Variants in NCAM1 observed in about 807,000 individuals in gnomAD.
The protein encoded by NCAM1 is neural cell adhesion molecule 1, also known as antigen recognized by monoclonal antibody 5.1H11.
NCAM1 carries 14 observed loss-of-function variants against 109.8 expected under a neutral mutation model. The ratio of observed to expected loss-of-function variants is 0.13; its 90% CI spans 0.08 to 0.20. The LOEUF (loss-of-function observed/expected upper bound fraction) is 0.20, where lower values mean the gene tolerates loss of function less well. Ranked by LOEUF, NCAM1 falls within the 10% of genes least tolerant of loss-of-function variation. The pLI is 1.00. For synonymous variants in NCAM1, 418 were observed against 442.9 expected (o/e 0.94, Z 0.70); for missense variants, 774 against 1,109.9 (o/e 0.70, Z 4.30).
chr11:113,203,985 A>G (rs911857997), intron 2 of NCAM1, among the ~76,000 whole-genome samples: 1 of 152,202 alleles, frequency 6.6e-6, no homozygotes, highest in Admixed American at 6.5e-5. Flanking sequence ...AGCACACAGT[A>G]TGTTCTCAAC....
chr11:113,131,730 G>A (rs1229776470), intron 1 of NCAM1, among the ~76,000 whole-genome samples: 1 of 152,156 alleles, frequency 6.6e-6, no homozygotes, highest in Non-Finnish European at 1.5e-5. Flanking sequence ...CCCCAGCCAG[G>A]CAGCTGATAG....
intron 1 of NCAM1, among the ~76,000 whole-genome samples, chr11:113,158,763 T>C (rs1441960364): frequency 6.6e-6 from 1 of 152,224 alleles, no homozygotes; most frequent in African/African-American, 2.4e-5. Context: ...TACATAGCTG[T>C]CCAGTGAACA....
intron 1 of NCAM1, among the ~76,000 whole-genome samples, chr11:113,102,558 A>G (rs1368652894): frequency 6.6e-6 from 1 of 152,196 alleles, no homozygotes; most frequent in African/African-American, 2.4e-5. Flanking sequence ...CACTACTGGG[A>G]TTACTGGCTC....
At chr11:113,184,616 G>A (rs540783964) in intron 1 of NCAM1, among the ~76,000 whole-genome samples, 97 of 152,222 alleles carry the variant, frequency 6.4e-4, no homozygotes, top group Admixed American at 1.1e-3. Context: ...ACAAGAATCC[G>A]CTCTGAGCCT....
At chr11:112,998,445 T>C (rs1555071795) in intron 1 of NCAM1, among the ~76,000 whole-genome samples, 1 of 152,136 alleles carries the variant, frequency 6.6e-6, no homozygotes, top group Admixed American at 6.5e-5. Flanking sequence ...GAATAAATAT[T>C]TAAACTTTAT....
At position 113,231,291 on chromosome 11, in the gene NCAM1, G is replaced by GCTGCTA. The variant is rs1296075346; in HGVS notation, c.1090-349_1090-348insACTGCT. ...CTCATGAGGTAGGGCTGCTGCTGCT[G>GCTGCTA]CTGCTGCAATATCTGCTGGCCGGAG... On this transcript the variant is annotated intron_variant, in intron 9 of 19. Coordinates refer to ENST00000316851, the MANE Select transcript of NCAM1 (RefSeq NM_181351.5). 19 of 1,535,826 alleles carry GCTGCTA rather than the reference G, an allele frequency of 1.2e-5. 1 individual carries two copies. The highest frequency in any genetic ancestry group is 2.6e-6 in the Non-Finnish European group (3 of 1,146,806).
intron 1 of NCAM1, among the ~76,000 whole-genome samples, chr11:113,025,777 CCGAGAGAGAGAGAGAGAG>C (rs1424325728): frequency 2.2e-5 from 1 of 46,412 alleles, no homozygotes; most frequent in Non-Finnish European, 4.2e-5. Flanking sequence ...ACACAGGGAG[CCGAGAGAGAGAGAGAGAG>C]AGAGAGAGAG....
At chr11:113,150,999 C>T (rs996307550) in intron 1 of NCAM1, among the ~76,000 whole-genome samples, 2 of 152,086 alleles carry the variant, frequency 1.3e-5, no homozygotes, top group African/African-American at 4.8e-5. Flanking sequence ...TTTATGTGAC[C>T]TTGGTCTAAT....
chr11:113,257,352 A>G (rs1356573648), intron 16 of NCAM1, among the ~76,000 whole-genome samples: 1 of 152,244 alleles, frequency 6.6e-6, no homozygotes, highest in African/African-American at 2.4e-5. Flanking sequence ...ATTCTGGAAG[A>G]ATAGGTCACC....
chr11:112,982,143 C>T (rs782595690), intron 1 of NCAM1, among the ~76,000 whole-genome samples: 15 of 151,920 alleles, frequency 9.9e-5, no homozygotes, highest in Non-Finnish European at 2.2e-4. Flanking sequence ...TCTTCATATC[C>T]TCTATAGTGC....
chr11:112,968,557 G>A (rs555130292), intron 1 of NCAM1, among the ~76,000 whole-genome samples: 8 of 152,280 alleles, frequency 5.3e-5, no homozygotes, highest in East Asian at 1.9e-4. Flanking sequence ...GACTGAGTAC[G>A]TGCTCTGTGC....
intron 15 of NCAM1, among the ~76,000 whole-genome samples, chr11:113,253,501 G>A (rs1945751494): frequency 6.6e-6 from 1 of 152,072 alleles, no homozygotes; most frequent in African/African-American, 2.4e-5. Context: ...TCCAATTCAG[G>A]GCCCATATTT....
At chr11:113,137,787 C>T (rs1422924238) in intron 1 of NCAM1, among the ~76,000 whole-genome samples, 3 of 152,092 alleles carry the variant, frequency 2.0e-5, no homozygotes, top group South Asian at 2.1e-4. Flanking sequence ...TTGCAGTAAA[C>T]GAGACACTTG....
intron 1 of NCAM1, among the ~76,000 whole-genome samples, chr11:113,157,257 A>G (rs1367655554): frequency 2.0e-5 from 3 of 152,198 alleles, no homozygotes; most frequent in Non-Finnish European, 4.4e-5. Context: ...GAATGGCTCA[A>G]AAGTCTAGAG....
chr11:112,990,324 G>A (rs553706458), intron 1 of NCAM1, among the ~76,000 whole-genome samples: 30 of 152,184 alleles, frequency 2.0e-4, no homozygotes, highest in Non-Finnish European at 3.7e-4. Context: ...GGCTGAAACT[G>A]AGTTGCAGGG....
In NCAM1 at chr11:113,277,795, T is replaced by A. The variant is rs1012005085; in HGVS notation, c.*2408T>A. On this transcript the variant is annotated 3_prime_UTR_variant, in exon 20 of 20. Coordinates refer to ENST00000316851, the MANE Select transcript of NCAM1 (RefSeq NM_181351.5). ...ACCTAAGACTCTGCCCACATTTTGG[T>A]CTGTTCTCTCCCATTACACATAGGT... is the stretch of plus-strand genomic sequence containing the variant. 5.4e-6 allele frequency: 1 copy of A among 185,186 alleles called. No individual in the cohort carries two copies. The highest frequency in any genetic ancestry group is 1.1e-5 in the Non-Finnish European group (1 of 91,984). 11.5% of individuals were successfully genotyped at this position (185,186 alleles called of 1,614,324 possible). A position where few individuals can be genotyped will look rare whatever the true frequency, so the allele number is the denominator to read the frequency against.
At chr11:113,213,240 ATTTG>A (rs1334469389) in intron 7 of NCAM1, among the ~76,000 whole-genome samples, 2 of 152,094 alleles carry the variant, frequency 1.3e-5, no homozygotes, top group Non-Finnish European at 2.9e-5. Context: ...TTTTTGGTTC[ATTTG>A]TTTGTTTCCC....
intron 1 of NCAM1, among the ~76,000 whole-genome samples, chr11:113,114,500 A>G (rs1555094415): frequency 6.6e-6 from 1 of 152,234 alleles, no homozygotes; most frequent in African/African-American, 2.4e-5. Flanking sequence ...ACTGAGTATA[A>G]TGACCCCACG....
rs782456348 is a variant in NCAM1 at position 112,961,453 on chromosome 11, G to T, written c.-160G>T. On this transcript the variant is annotated 5_prime_UTR_variant, in exon 1 of 20. Coordinates refer to ENST00000316851, the MANE Select transcript of NCAM1 (RefSeq NM_181351.5). ...TCCGATCAGCGCGTGAACGCAGCTC[G>T]GCTGCCGCTGGCAGGAAACAATTCT... 5.2e-6 allele frequency: 4 copies of T among 771,242 alleles called. No homozygotes were observed. The South Asian group carries it at 5.5e-5, about 11-fold the overall frequency. The allele number at this position is 771,242 out of a possible 1,614,324, so 47.8% of individuals were successfully genotyped here. A position where few individuals can be genotyped will look rare whatever the true frequency, so the allele number is the denominator to read the frequency against.
Sources: gnomAD v4.1 joint callset for allele counts (sites outside exome capture counted in the v4.1 genomes callset) on GRCh38, gnomAD v4.1.1 for gene constraint, MANE v1.5 for transcripts, NCBI Gene and HGNC (gene_info 2026-07-23, HGNC 2026-07-21) for gene names.